FMN1: variants seen among roughly 807,000 people sequenced by gnomAD.
The protein encoded by FMN1 is formin-1.
FMN1 carries 110 observed loss-of-function variants against 132.4 expected under a neutral mutation model. The ratio of observed to expected loss-of-function variants is 0.83; its 90% CI spans 0.71 to 0.97. The LOEUF (loss-of-function observed/expected upper bound fraction) is 0.97. Ranked by LOEUF, FMN1 falls within the 50% of genes least tolerant of loss-of-function variation. The probability of loss-of-function intolerance (pLI) is 0.00; values close to 1 mark genes in which losing one functional copy is unlikely to be tolerated. For synonymous variants in FMN1, 722 were observed against 651.7 expected, an observed-to-expected ratio of 1.11 and a Z score of -1.64; for missense variants, 1,792 against 1,705.3, an observed-to-expected ratio of 1.05 and a Z score of -0.90.
intron 4 of FMN1, among the ~76,000 whole-genome samples, chr15:33,132,364 A>G (rs1405239374): frequency 6.6e-6 from 1 of 152,200 alleles, no homozygotes; most frequent in East Asian, 1.9e-4. Flanking sequence ...TCAAGATGAA[A>G]GAATCAGCTA....
chr15:33,068,282 G>A (rs11639303), intron 5 of FMN1: 51,088 of 175,648 alleles, frequency 0.29, 8,553 homozygotes, highest in Admixed American at 0.37. Flanking sequence ...GCCCCAGGCC[G>A]GCGGTTCTCC....
chr15:33,008,943 T>C (rs567053415), intron 6 of FMN1, among the ~76,000 whole-genome samples: 9 of 152,318 alleles, frequency 5.9e-5, no homozygotes, highest in Non-Finnish European at 1.3e-4. Context: ...TTTGACCTCA[T>C]TGAAATATGT....
At position 33,029,803 on chromosome 15, in the gene FMN1, G is replaced by A. The variant is rs375623711; in HGVS notation, c.2162-21728C>T. Among the ~76,000 whole-genome samples, 4 of 152,174 alleles carry A rather than the reference G, an allele frequency of 2.6e-5. No individual in the cohort carries two copies. In the East Asian group the frequency reaches 7.7e-4, roughly 29 times the overall value. ...GGAAGAAGGGATCTGTGGTTTGGGA[G>A]AACTGTGGGAAAAAGCCAGAATGAT... On this transcript the variant is annotated intron_variant, in intron 6 of 20. Coordinates refer to ENST00000616417, the MANE Select transcript of FMN1 (RefSeq NM_001277313.2).
chr15:32,799,008 C>G, intron 18 of FMN1, 55 bp from the exon 19 acceptor site: 1 of 1,536,834 alleles, frequency 6.5e-7, no homozygotes, highest in South Asian at 1.2e-5. Flanking sequence ...ATTGCCAACA[C>G]TAAAATCCAT....
At chr15:33,030,890 G>A (rs143741178) in intron 6 of FMN1, among the ~76,000 whole-genome samples, 1 of 152,008 alleles carries the variant, frequency 6.6e-6, no homozygotes, top group Non-Finnish European at 1.5e-5. Context: ...TATTACATAG[G>A]TATACACGTG....
intron 9 of FMN1, among the ~76,000 whole-genome samples, chr15:32,948,527 G>A (rs548227495): frequency 2.0e-5 from 3 of 152,048 alleles, no homozygotes; most frequent in African/African-American, 7.2e-5. Flanking sequence ...TTTGTGTGAC[G>A]ATTTTAAACT....
At chr15:32,785,666 A>G (rs1009567287) in intron 19 of FMN1, among the ~76,000 whole-genome samples, 2 of 152,168 alleles carry the variant, frequency 1.3e-5, no homozygotes, top group Non-Finnish European at 2.9e-5. Context: ...TGTAGACAAC[A>G]GGACCAAGAA....
chr15:33,125,660 TGAAACC>T (rs1336114933), intron 4 of FMN1, among the ~76,000 whole-genome samples: 3 of 151,324 alleles, frequency 2.0e-5, no homozygotes, highest in Non-Finnish European at 4.4e-5. Context: ...GTCAACATGG[TGAAACC>T]TCGTCTCTAC....
intron 6 of FMN1, among the ~76,000 whole-genome samples, chr15:33,011,114 CTAAGT>C (rs1481406441): frequency 6.6e-6 from 1 of 152,142 alleles, no homozygotes; most frequent in Admixed American, 6.5e-5. Context: ...AAAATATAGA[CTAAGT>C]TAAGACAACT....
At chr15:32,950,146 T>C (rs182241717) in intron 9 of FMN1, among the ~76,000 whole-genome samples, 3 of 144,714 alleles carry the variant, frequency 2.1e-5, no homozygotes, top group African/African-American at 7.6e-5. Flanking sequence ...AGATACCATC[T>C]TACACCAGTC....
At chr15:33,018,535 G>A (rs1030559125) in intron 6 of FMN1, among the ~76,000 whole-genome samples, 91 of 152,264 alleles carry the variant, frequency 6.0e-4, no homozygotes, top group African/African-American at 2.0e-3. Flanking sequence ...AGCTGAACAC[G>A]AAAAGGTTCC....
At chr15:33,137,533 GATA>G (rs1381637517) in intron 4 of FMN1, among the ~76,000 whole-genome samples, 4 of 152,170 alleles carry the variant, frequency 2.6e-5, no homozygotes, top group Non-Finnish European at 4.4e-5. Context: ...GAGCTCAGAG[GATA>G]ATGTTTAATG....
At chr15:32,781,100 T>C (rs1302988188) in intron 19 of FMN1, among the ~76,000 whole-genome samples, 2 of 152,190 alleles carry the variant, frequency 1.3e-5, no homozygotes, top group Non-Finnish European at 2.9e-5. Flanking sequence ...ATATGATGCA[T>C]GTTAATAGTT....
At chr15:33,125,100 A>G (rs1301811326) in intron 4 of FMN1, among the ~76,000 whole-genome samples, 1 of 152,068 alleles carries the variant, frequency 6.6e-6, no homozygotes, top group African/African-American at 2.4e-5. Context: ...GTGAAATAAC[A>G]TAATGCCTTA....
Position 33,069,993 on chromosome 15 carries a change from C to CTCTTTTTTT in FMN1, c.2044-4920_2044-4919insAAAAAAAGA, listed in dbSNP as rs398026774. Among the ~76,000 whole-genome samples the CTCTTTTTTT allele has an allele frequency of 4.7e-3, 349 of 74,312 alleles. 27 individuals are homozygous for CTCTTTTTTT. The highest frequency in any genetic ancestry group is 6.7e-3 in the Admixed American group (36 of 5,382). The allele number at this position is 74,312 out of a possible 152,430, so 48.8% of individuals were successfully genotyped here. A position where few individuals can be genotyped will look rare whatever the true frequency, so the allele number is the denominator to read the frequency against. Reference sequence around the variant, plus strand: ...AACAGATCATAAGATCAGTCTTTCTCTTTTTTTTTTTTTTTTTTTTTTTTT... The same window carrying CTCTTTTTTT: ...AACAGATCATAAGATCAGTCTTTCTCTCTTTTTTTTTTTTTTTTTTTTTTTTTTTTTTTT... On this transcript the variant is annotated intron_variant, in intron 5 of 20. Transcript: ENST00000616417.
chr15:33,190,750 C>A (rs1474692257), intron 2 of FMN1, among the ~76,000 whole-genome samples: 1 of 152,176 alleles, frequency 6.6e-6, no homozygotes, highest in Non-Finnish European at 1.5e-5. Flanking sequence ...AGTATCCTGG[C>A]AGCAGCATCA....
At chr15:32,899,154 CA>C (rs892688539) in intron 14 of FMN1, among the ~76,000 whole-genome samples, 6 of 141,450 alleles carry the variant, frequency 4.2e-5, no homozygotes, top group South Asian at 4.5e-4. Context: ...CTAAAACAAA[CA>C]AAAAAGTTGT....
At chr15:33,011,879 C>A (rs2034747954) in intron 6 of FMN1, among the ~76,000 whole-genome samples, 1 of 152,164 alleles carries the variant, frequency 6.6e-6, no homozygotes, top group Admixed American at 6.5e-5. Context: ...TAAGGTCTGA[C>A]AACAGAGCCT....
chr15:33,087,224 C>T (rs2038730641), intron 5 of FMN1, among the ~76,000 whole-genome samples: 1 of 152,188 alleles, frequency 6.6e-6, no homozygotes. Context: ...GTCAATACTT[C>T]TGTGTCAATG....
Sources: gnomAD v4.1 joint callset for allele counts (sites outside exome capture counted in the v4.1 genomes callset) on GRCh38, gnomAD v4.1.1 for gene constraint, MANE v1.5 for transcripts, NCBI Gene and HGNC (gene_info 2026-07-23, HGNC 2026-07-21) for gene names.